Variants in MAP3K3 observed in about 807,000 individuals in gnomAD.
The protein encoded by MAP3K3 is MAP/ERK kinase kinase 3.
MAP3K3 carries 12 observed loss-of-function variants against 80.9 expected under a neutral mutation model. That is an observed-to-expected ratio of 0.15 (90% CI 0.10 to 0.24). MAP3K3 has a LOEUF of 0.24. Among genes scored for constraint, MAP3K3 ranks in the 10% least tolerant of loss-of-function variants. MAP3K3 has a pLI of 1.00. For synonymous variants in MAP3K3, 272 were observed against 307.1 expected (o/e 0.89, Z 1.19); for missense variants, 596 against 834.7 (o/e 0.71, Z 3.52).
intron 3 of MAP3K3, among the ~76,000 whole-genome samples, chr17:63,649,647 A>G (rs984932587): frequency 3.3e-5 from 5 of 152,140 alleles, no homozygotes; most frequent in African/African-American, 1.2e-4. Flanking sequence ...GACTCAAGCT[A>G]TCCACCTGCC....
intron 3 of MAP3K3, among the ~76,000 whole-genome samples, chr17:63,647,335 C>T (rs8081612): frequency 0.38 from 57,673 of 152,128 alleles, 14,312 homozygotes; most frequent in African/African-American, 0.71. Flanking sequence ...TGTCACTTCA[C>T]TGTTGCTACT....
chr17:63,625,391 G>T (rs2034080138), intron 1 of MAP3K3, among the ~76,000 whole-genome samples: 2 of 152,072 alleles, frequency 1.3e-5, no homozygotes, highest in Admixed American at 6.5e-5. Flanking sequence ...AATCATAGTG[G>T]CAAATGCTGT....
intron 2 of MAP3K3, among the ~76,000 whole-genome samples, chr17:63,643,982 G>A (rs991052401): frequency 2.0e-5 from 3 of 152,136 alleles, no homozygotes; most frequent in African/African-American, 7.2e-5. Context: ...TCCTTTACAA[G>A]CGATATGACC....
At chr17:63,660,896 T>C (rs1207016878) in intron 5 of MAP3K3, among the ~76,000 whole-genome samples, 1 of 152,044 alleles carries the variant, frequency 6.6e-6, no homozygotes, top group Non-Finnish European at 1.5e-5. Context: ...GCACCCCGCC[T>C]TGGATTCTTC....
chr17:63,667,145 T>A lies in MAP3K3; in HGVS notation c.502+85T>A, dbSNP rs576866693. 40 of 1,389,604 alleles carry A rather than the reference T, an allele frequency of 2.9e-5. 1 individual carries two copies. In the South Asian group the frequency reaches 5.4e-4, roughly 19 times the overall value. The allele number at this position is 1,389,604 out of a possible 1,614,324, so 86.1% of individuals were successfully genotyped here. On this transcript the variant is annotated intron_variant, in intron 6 of 15. Coordinates refer to ENST00000361733, the MANE Select transcript of MAP3K3 (RefSeq NM_002401.5). ...CAACAAGTATTTGTTAATTAAATAA[T>A]CATCAAATATTTATTAACTATTACT...
chr17:63,637,071 G>A (rs2034342298), intron 2 of MAP3K3: 1 of 496,186 alleles, frequency 2.0e-6, no homozygotes, highest in Non-Finnish European at 3.8e-6. Context: ...AAGTTTGAGA[G>A]CGTGTGTAGA....
At chr17:63,635,377 G>A (rs1208211203) in intron 2 of MAP3K3, among the ~76,000 whole-genome samples, 1 of 152,212 alleles carries the variant, frequency 6.6e-6, no homozygotes, top group Non-Finnish European at 1.5e-5. Flanking sequence ...TAGAACAGCT[G>A]TTTAGAAATT....
chr17:63,644,371 C>T (rs1183569170), intron 2 of MAP3K3, among the ~76,000 whole-genome samples: 1 of 152,004 alleles, frequency 6.6e-6, no homozygotes, highest in Non-Finnish European at 1.5e-5. Context: ...TGCGCCATTA[C>T]TCACGGCACA....
Position 63,691,538 on chromosome 17 carries a change from G to A in MAP3K3, c.1345-195G>A, listed in dbSNP as rs2035590811. ...AGAGGCCTCCCTGCTCCTGGATTTG[G>A]GTGGCGCTCTGCTTGAGAAGGACTT... On this transcript the variant is annotated intron_variant, in intron 13 of 15. Transcript: ENST00000361733. The surrounding 1 kb of genome is among the most constrained non-coding windows in gnomAD (Gnocchi z 4.8). Among the ~76,000 whole-genome samples the A allele has an allele frequency of 6.6e-6, 1 of 152,186 alleles. No homozygotes were observed. Among genetic ancestry groups the A allele is most frequent in the South Asian group, 2.1e-4 (1 of 4,836 alleles).
rs778517747 is a variant in MAP3K3 at position 63,666,959 on chromosome 17, C to T, written c.401C>T (p.Ser134Phe). 2.5e-6 allele frequency: 4 copies of T among 1,613,356 alleles called. No individual in the cohort carries two copies. In the African/African-American group the frequency reaches 4.0e-5, roughly 16 times the overall value. ...DRNHNSSSPH[S>F]GVSRQVRIKA... The stretch of plus-strand genomic sequence containing the variant: ...TTACAGAACAGTTCCTCTCCCCACT[C>T]TGGGGTGTCCAGACAGGTGCGGATC... The change falls in exon 6 of 16, where the codon TCT (serine) becomes TTT (phenylalanine). Residue 134 changes from serine to phenylalanine, a missense_variant. Ser to Phe is a radical substitution (Grantham distance 155). This residue lies in a region of MAP3K3 where 232 missense variants were observed against 245.8 expected (regional missense o/e 0.94). Transcript: ENST00000361733.
At chr17:63,636,909 G>A in intron 2 of MAP3K3, 1 of 488,794 alleles carries the variant, frequency 2.0e-6, no homozygotes, top group South Asian at 2.2e-5. Flanking sequence ...TAGCCCAATT[G>A]GAGGCCTGTA....
chr17:63,690,023 A>C, intron 11 of MAP3K3: 2 of 584,000 alleles, frequency 3.4e-6, no homozygotes, highest in Non-Finnish European at 6.0e-6. Flanking sequence ...AATGCATTTG[A>C]TCAATGCAGA....
Position 63,681,890 on chromosome 17 carries a change from C to G in MAP3K3, c.627C>G (p.Ser209Arg). 4 of 1,484,350 alleles carry G rather than the reference C, an allele frequency of 2.7e-6. No homozygotes were observed. Among genetic ancestry groups the G allele is most frequent in the Non-Finnish European group, 2.7e-6 (3 of 1,108,040 alleles). 91.9% of individuals were successfully genotyped at this position (1,484,350 alleles called of 1,614,324 possible). A position where few individuals can be genotyped will look rare whatever the true frequency, so the allele number is the denominator to read the frequency against. ...NSEGEFIPET[S>R]EQCMLDPLSS... is the part of the protein sequence containing the mutation. ...AGGGGGAGTTCATCCCAGAGACCAGCGAGCAGTGCGTGAGTATAGGGGGGC... is the reference window on the plus strand; with the variant it reads ...AGGGGGAGTTCATCCCAGAGACCAGGGAGCAGTGCGTGAGTATAGGGGGGC... Residue 209 changes from serine (S) to arginine (R), a missense_variant, in exon 7 of 16, where the codon AGC becomes AGG. By Grantham distance (110) the Ser-to-Arg change is moderately radical (BLOSUM62 -1). Coordinates refer to ENST00000361733, the MANE Select transcript of MAP3K3 (RefSeq NM_002401.5).
Position 63,691,204 on chromosome 17 carries a change from C to G in MAP3K3, c.1315C>G (p.Leu439Val), listed in dbSNP as rs757320092. The part of the protein sequence containing the change: ...GCLRDRAEKT[L>V]TIFMEYMPGG... ...TCTGCGGGACCGCGCTGAGAAGACC[C>G]TGACCATCTTCATGGAGTACATGCC... Residue 439 changes from leucine to valine, a missense_variant, in exon 13 of 16, where the codon CTG (leucine) becomes GTG (valine). Leu to Val is a conservative substitution (Grantham distance 32). Coordinates refer to ENST00000361733, the MANE Select transcript of MAP3K3 (RefSeq NM_002401.5). This position sits in a 1 kb window ranked among gnomAD's most constrained non-coding sequence, Gnocchi z 4.8. 6.2e-7 allele frequency: 1 copy of G among 1,614,192 alleles called. No homozygotes were observed. The highest frequency in any genetic ancestry group is 1.7e-5 in the Admixed American group (1 of 60,034).
intron 5 of MAP3K3, among the ~76,000 whole-genome samples, chr17:63,658,848 C>T (rs1011358016): frequency 1.3e-5 from 2 of 151,566 alleles, no homozygotes; most frequent in African/African-American, 4.9e-5. Flanking sequence ...GATTCTCCTG[C>T]TTCAGCCTCT....
intron 1 of MAP3K3, among the ~76,000 whole-genome samples, chr17:63,623,008 G>A (rs1193768465): frequency 1.3e-5 from 2 of 150,238 alleles, no homozygotes; most frequent in African/African-American, 4.9e-5. Flanking sequence ...TGGGCGGCGC[G>A]GCGGGCGCAT....
chr17:63,633,143 G>C (rs1000747320), intron 2 of MAP3K3, among the ~76,000 whole-genome samples: 2 of 151,550 alleles, frequency 1.3e-5, no homozygotes, highest in South Asian at 4.2e-4. Flanking sequence ...CAGGAGAATC[G>C]CTTGAACCTG....
chr17:63,664,489 C>T (rs1177757301), intron 5 of MAP3K3, among the ~76,000 whole-genome samples: 1 of 152,148 alleles, frequency 6.6e-6, no homozygotes, highest in Non-Finnish European at 1.5e-5. Context: ...CCCTGCTTCA[C>T]CTCTTCCCTG....
In MAP3K3 at chr17:63,692,542, T is replaced by C. The variant is rs1051223862; in HGVS notation, c.1652+123T>C. On this transcript the variant is annotated intron_variant, in intron 15 of 15. Coordinates refer to ENST00000361733, the MANE Select transcript of MAP3K3 (RefSeq NM_002401.5). The surrounding 1 kb of genome is among the most constrained non-coding windows in gnomAD (Gnocchi z 4.5). ...AGTGTGCCCAGGGCCCAGGCTGCAG[T>C]GTGTGCAAGGGTATTATTGGGTGCA... 1 of 1,021,094 alleles carries C rather than the reference T, an allele frequency of 9.8e-7. No homozygotes were observed. The highest frequency in any genetic ancestry group is 1.4e-6 in the Non-Finnish European group (1 of 713,756). The allele number at this position is 1,021,094 out of a possible 1,614,324, so 63.3% of individuals were successfully genotyped here. A position where few individuals can be genotyped will look rare whatever the true frequency, so the allele number is the denominator to read the frequency against.
Sources: allele counts gnomAD v4.1 joint callset (sites outside exome capture counted in the v4.1 genomes callset), GRCh38; gene constraint gnomAD v4.1.1; regional missense constraint gnomAD v4.1.1; non-coding constraint Gnocchi (gnomAD v3.1); transcripts MANE v1.5; gene names NCBI Gene and HGNC (gene_info 2026-07-23, HGNC 2026-07-21).